PRKN: variants seen among roughly 807,000 people sequenced by gnomAD.
The protein encoded by PRKN is parkin RBR E3 ubiquitin protein ligase.
A neutral mutation model predicts 59.5 loss-of-function variants in PRKN; 56 were observed. The ratio of observed to expected loss-of-function variants is 0.94; its 90% CI spans 0.76 to 1.18. The LOEUF (loss-of-function observed/expected upper bound fraction) is 1.18. Among genes scored for constraint, PRKN ranks in the 50% most tolerant of loss-of-function variants. The probability of loss-of-function intolerance (pLI) is 0.00; values close to 1 mark genes in which losing one functional copy is unlikely to be tolerated. For synonymous variants in PRKN, 250 were observed against 222.1 expected (o/e 1.13, Z -1.12); for missense variants, 657 against 596.4 (o/e 1.10, Z -1.06).
At chr6:162,052,705 A>G (rs1777692566) in intron 5 of PRKN, among the ~76,000 whole-genome samples, 1 of 152,150 alleles carries the variant, frequency 6.6e-6, no homozygotes, top group Non-Finnish European at 1.5e-5. Flanking sequence ...TTTGAGTTAT[A>G]GATATAACTC....
chr6:162,489,577 C>T (rs1005151181), intron 1 of PRKN, among the ~76,000 whole-genome samples: 1 of 152,198 alleles, frequency 6.6e-6, no homozygotes, highest in South Asian at 2.1e-4. Context: ...CCGCACTTTG[C>T]CCGACAGCAT....
At chr6:161,733,779 A>T (rs1583071917) in intron 7 of PRKN, among the ~76,000 whole-genome samples, 2 of 85,780 alleles carry the variant, frequency 2.3e-5, no homozygotes, top group East Asian at 3.3e-4. Context: ...TGAAAAAAAA[A>T]AAAAATATAT....
At chr6:162,359,079 A>AAAAAATATATATATATATATAT (rs57265104) in intron 2 of PRKN, among the ~76,000 whole-genome samples, 3 of 83,244 alleles carry the variant, frequency 3.6e-5, no homozygotes, top group African/African-American at 2.2e-4. Context: ...AAAAAAAAAA[A>AAAAAATATATATATATATATAT]ATATATATAT....
At chr6:162,229,254 C>T (rs1778316644) in intron 3 of PRKN, among the ~76,000 whole-genome samples, 1 of 152,054 alleles carries the variant, frequency 6.6e-6, no homozygotes, top group Admixed American at 6.6e-5. Context: ...CAAAAACACC[C>T]CCAGTCACCC....
intron 1 of PRKN, among the ~76,000 whole-genome samples, chr6:162,449,688 T>C (rs1028876033): frequency 1.3e-5 from 2 of 152,188 alleles, no homozygotes; most frequent in African/African-American, 4.8e-5. Flanking sequence ...TTTATTTCTG[T>C]CTTTGAAGAT....
chr6:162,510,289 T>C (rs1463913515), intron 1 of PRKN, among the ~76,000 whole-genome samples: 2 of 152,238 alleles, frequency 1.3e-5, no homozygotes, highest in African/African-American at 2.4e-5. Context: ...GTTGGTTGAA[T>C]AAAAACTGGA....
chr6:161,625,461 T>G (rs1218491913), intron 7 of PRKN, among the ~76,000 whole-genome samples: 1 of 152,026 alleles, frequency 6.6e-6, no homozygotes, highest in Non-Finnish European at 1.5e-5. Context: ...ATACCTAACG[T>G]AAACGACGAG....
chr6:161,810,102 C>A (rs1791499709), intron 6 of PRKN, among the ~76,000 whole-genome samples: 1 of 152,026 alleles, frequency 6.6e-6, no homozygotes, highest in Non-Finnish European at 1.5e-5. Flanking sequence ...GGAGATGGGG[C>A]CTTCAAAGAG....
intron 2 of PRKN, among the ~76,000 whole-genome samples, chr6:162,387,555 C>CACACAGAGAGAGAG (rs1212726833): frequency 6.3e-5 from 6 of 95,630 alleles, no homozygotes; most frequent in African/African-American, 2.1e-4. Flanking sequence ...CACACACACA[C>CACACAGAGAGAGAG]AGAGAGAGAG....
At chr6:162,586,513 G>A (rs1440880835) in intron 1 of PRKN, among the ~76,000 whole-genome samples, 1 of 152,136 alleles carries the variant, frequency 6.6e-6, no homozygotes, top group East Asian at 1.9e-4. Flanking sequence ...GTTCTGGTTG[G>A]TGAGTAAGTG....
chr6:162,036,827 T>A (rs1361853830), intron 5 of PRKN, among the ~76,000 whole-genome samples: 1 of 152,202 alleles, frequency 6.6e-6, no homozygotes, highest in African/African-American at 2.4e-5. Flanking sequence ...AAATAATTTC[T>A]TATACTTACT....
chr6:161,657,258 C>G (rs1024163345), intron 7 of PRKN, among the ~76,000 whole-genome samples: 3 of 152,208 alleles, frequency 2.0e-5, no homozygotes, highest in Non-Finnish European at 2.9e-5. Context: ...TCTGGATCGC[C>G]CATGCCGCCA....
chr6:161,928,054 T>C (rs1243204976), intron 6 of PRKN, among the ~76,000 whole-genome samples: 2 of 152,180 alleles, frequency 1.3e-5, no homozygotes, highest in Non-Finnish European at 2.9e-5. Context: ...GATTAGGTCA[T>C]GAGGATACAA....
intron 1 of PRKN, among the ~76,000 whole-genome samples, chr6:162,591,004 G>C (rs1781283485): frequency 6.6e-6 from 1 of 152,010 alleles, no homozygotes; most frequent in Non-Finnish European, 1.5e-5. Context: ...GGTGGTCACT[G>C]TCTCATGGGG....
intron 1 of PRKN, among the ~76,000 whole-genome samples, chr6:162,692,126 G>A (rs1230217286): frequency 6.6e-6 from 1 of 150,518 alleles, no homozygotes; most frequent in Non-Finnish European, 1.5e-5. Context: ...TGCACAATGT[G>A]CACATGTACC....
At chr6:162,529,995 T>C (rs1487552781) in intron 1 of PRKN, among the ~76,000 whole-genome samples, 1 of 152,098 alleles carries the variant, frequency 6.6e-6, no homozygotes. Context: ...CCGGGCGTGA[T>C]GGCACATGTC....
chr6:161,698,515 T>C (rs993338383), intron 7 of PRKN, among the ~76,000 whole-genome samples: 8 of 151,852 alleles, frequency 5.3e-5, no homozygotes, highest in Non-Finnish European at 4.4e-5. Context: ...ATATGTAAAC[T>C]GTTTTTTTAA....
rs1188247181 is a variant in PRKN at position 161,579,690 on chromosome 6, T to C, written c.872-10274A>G. ...TCCTTAAATGGAGGAATTTCTTAAA[T>C]GGACACAATTCCTTAAAAATGAGGT... On this transcript the variant is annotated intron_variant, in intron 7 of 11. Transcript: ENST00000366898. This position sits in a 1 kb window ranked among gnomAD's most constrained non-coding sequence, Gnocchi z 4.2. 6.6e-6 allele frequency among the ~76,000 whole-genome samples: 1 copy of C among 151,216 alleles called. No homozygotes were observed. The highest frequency in any genetic ancestry group is 1.5e-5 in the Non-Finnish European group (1 of 67,880).
intron 2 of PRKN, among the ~76,000 whole-genome samples, chr6:162,340,676 G>A (rs2128128066): frequency 6.6e-6 from 1 of 152,198 alleles, no homozygotes; most frequent in South Asian, 2.1e-4. Context: ...CAAGAAATGG[G>A]GAAAGGATTC....
Sources: allele counts gnomAD v4.1 joint callset (sites outside exome capture counted in the v4.1 genomes callset), GRCh38; gene constraint gnomAD v4.1.1; non-coding constraint Gnocchi (gnomAD v3.1); transcripts MANE v1.5; gene names NCBI Gene and HGNC (gene_info 2026-07-23, HGNC 2026-07-21).